Variants in AP4S1 observed in about 807,000 individuals in gnomAD.
AP4S1 encodes adaptor related protein complex 4 subunit sigma 1, also known as AP-4 complex subunit sigma-1.
In AP4S1, 23 loss-of-function variants were observed where a neutral mutation model predicts 19.8. That is an observed-to-expected ratio of 1.16 (90% CI 0.84 to 1.65). AP4S1 has a LOEUF of 1.65. Ranked by LOEUF, AP4S1 falls within the 40% of genes most tolerant of loss-of-function variation. The pLI is 0.00. For missense variants in AP4S1, 166 were observed against 172.8 expected, an observed-to-expected ratio of 0.96 and a Z score of 0.22; for synonymous variants, 46 against 54.1, an observed-to-expected ratio of 0.85 and a Z score of 0.66.
At chr14:31,025,429 G>A (rs1300732625), upstream of AP4S1, 2 of 165,142 alleles carry the variant, frequency 1.2e-5, no homozygotes, top group Admixed American at 1.2e-4. Flanking sequence ...TCTGAGGGAG[G>A]GGGCCAGATA....
At chr14:31,073,031 GTC>G in intron 4 of AP4S1, 58 bp downstream of exon 4, 1 of 1,398,806 alleles carries the variant, frequency 7.1e-7, no homozygotes, top group Non-Finnish European at 1.0e-6. Flanking sequence ...CAGAAATTGA[GTC>G]TCTTTGGATC....
intron 5 of AP4S1, among the ~76,000 whole-genome samples, chr14:31,090,130 A>G (rs1209791727): frequency 6.6e-6 from 1 of 152,030 alleles, no homozygotes; most frequent in Non-Finnish European, 1.5e-5. Context: ...CTGGGATTAC[A>G]GGCGTGTGCC....
chr14:31,027,733 A>G (rs906028004), intron 1 of AP4S1, among the ~76,000 whole-genome samples: 1 of 152,224 alleles, frequency 6.6e-6, no homozygotes, highest in Non-Finnish European at 1.5e-5. Flanking sequence ...TAAGTACAAT[A>G]GTGGGTACTT....
At chr14:31,087,754 C>T (rs76094753) in intron 5 of AP4S1, among the ~76,000 whole-genome samples, 1,659 of 152,110 alleles carry the variant, frequency 0.011, 32 homozygotes, top group African/African-American at 0.038. Context: ...TTGGTGTTGT[C>T]GAAGCTTTTT....
intron 1 of AP4S1, among the ~76,000 whole-genome samples, chr14:31,041,093 A>G (rs78774662): frequency 6.7e-6 from 1 of 149,170 alleles, no homozygotes; most frequent in Admixed American, 6.7e-5. Flanking sequence ...AAAAAAAAGT[A>G]CGCAAATTAA....
chr14:31,078,717 G>C (rs1028246873), intron 4 of AP4S1, among the ~76,000 whole-genome samples: 1 of 152,114 alleles, frequency 6.6e-6, no homozygotes, highest in African/African-American at 2.4e-5. Context: ...ATTTTAGGGA[G>C]AGTCAGTGAC....
In AP4S1 at chr14:31,086,890, GCT is replaced by G. The variant is rs369726162; in HGVS notation, c.307-6014_307-6013del. On this transcript the variant is annotated intron_variant, in intron 5 of 5. Coordinates refer to ENST00000542754, the MANE Select transcript of AP4S1 (RefSeq NM_001128126.3). ...AAAATTTTTTTACAGTCAGGGTCTTGCTCTGTTGCCCAGGCTTGAGTGCAGTG... is the reference window on the plus strand; with the variant it reads ...AAAATTTTTTTACAGTCAGGGTCTTGCTGTTGCCCAGGCTTGAGTGCAGTG... Among the ~76,000 whole-genome samples, 151 of 151,748 alleles carry G rather than the reference GCT, an allele frequency of 1.0e-3. 1 individual carries two copies. The highest frequency in any genetic ancestry group is 3.4e-3 in the African/African-American group (142 of 41,400).
At chr14:31,056,313 T>G (rs1297029056) in intron 1 of AP4S1, among the ~76,000 whole-genome samples, 1 of 152,088 alleles carries the variant, frequency 6.6e-6, no homozygotes, top group Non-Finnish European at 1.5e-5. Flanking sequence ...TAGCTAATAC[T>G]ATGGATGCAT....
chr14:31,062,940 C>G (rs911354702), intron 1 of AP4S1, among the ~76,000 whole-genome samples: 1 of 150,982 alleles, frequency 6.6e-6, no homozygotes, highest in Admixed American at 6.6e-5. Flanking sequence ...GCATTCCAGC[C>G]TGGGGGACAG....
At chr14:31,039,145 G>A (rs1465103192) in intron 1 of AP4S1, among the ~76,000 whole-genome samples, 1 of 152,018 alleles carries the variant, frequency 6.6e-6, no homozygotes, top group African/African-American at 2.4e-5. Context: ...TGGGATTACA[G>A]ATAAGAGCCA....
At chr14:31,083,418 C>A in intron 5 of AP4S1, 1 of 448,672 alleles carries the variant, frequency 2.2e-6, no homozygotes, top group Admixed American at 2.4e-5. Flanking sequence ...CAGGTTTGAT[C>A]TCACTTGTAC....
chr14:31,066,401 G>C, intron 2 of AP4S1, 67 bp downstream of exon 2: 1 of 1,587,686 alleles, frequency 6.3e-7, no homozygotes, highest in Non-Finnish European at 8.6e-7. Flanking sequence ...TTATTAGTGA[G>C]TCTCAGGGGC....
At chr14:31,039,639 C>T (rs980062023) in intron 1 of AP4S1, among the ~76,000 whole-genome samples, 2 of 146,184 alleles carry the variant, frequency 1.4e-5, no homozygotes, top group African/African-American at 2.6e-5. Context: ...GTGGCGCGAT[C>T]TCGACTCACT....
chr14:31,071,698 G>A (rs747600224), intron 3 of AP4S1, among the ~76,000 whole-genome samples: 21 of 149,402 alleles, frequency 1.4e-4, no homozygotes, highest in Non-Finnish European at 1.9e-4. Flanking sequence ...GATTACAGGC[G>A]TGAGCCACCG....
intron 3 of AP4S1, among the ~76,000 whole-genome samples, chr14:31,071,639 C>T (rs145866487): frequency 1.4e-4 from 22 of 152,136 alleles, no homozygotes; most frequent in African/African-American, 5.1e-4. Flanking sequence ...AGGATGGTCT[C>T]GATCTCCTGA....
rs1888131507 is a variant in AP4S1 at position 31,093,577 on chromosome 14, G to C, written c.*542G>C. ...GCGATTCTCCTGCCTCAGCCTCCGA[G>C]CTGGGACTACAGGCATGCACCACCA... On this transcript the variant is annotated 3_prime_UTR_variant, in exon 6 of 6. Transcript: ENST00000542754. 6.6e-6 allele frequency: 1 copy of C among 152,376 alleles called. No homozygotes were observed. Among genetic ancestry groups the C allele is most frequent in the South Asian group, 2.1e-4 (1 of 4,806 alleles). The allele number at this position is 152,376 out of a possible 1,614,324, so 9.4% of individuals were successfully genotyped here. A position where few individuals can be genotyped will look rare whatever the true frequency, so the allele number is the denominator to read the frequency against.
intron 1 of AP4S1, among the ~76,000 whole-genome samples, chr14:31,050,817 G>A (rs755031346): frequency 2.6e-5 from 4 of 152,096 alleles, no homozygotes; most frequent in Non-Finnish European, 4.4e-5. Context: ...TCCCCTCCAC[G>A]ATACCATGTT....
In AP4S1 at chr14:31,025,877, T is replaced by A. The variant is rs772195310; in HGVS notation, c.-72+90T>A. On this transcript the variant is annotated intron_variant, in intron 1 of 5. Coordinates refer to ENST00000542754, the MANE Select transcript of AP4S1 (RefSeq NM_001128126.3). ...CGGCCGGGAACCCAGCCGCCGCAGC[T>A]CCCGCACACCGACCCCAACGAGGTA... 4 of 1,587,914 alleles carry A rather than the reference T, an allele frequency of 2.5e-6. No homozygotes were observed. In the South Asian group the frequency reaches 4.5e-5, roughly 18 times the overall value.
In AP4S1 at chr14:31,068,163, C is replaced by T. The variant is rs138181920; in HGVS notation, c.139-1680C>T. ...GATTACAGGCATGAGCCACCACGCCCGGCCCCTTGAACAAAATTTTTATGA... is the reference window on the plus strand; with the variant it reads ...GATTACAGGCATGAGCCACCACGCCTGGCCCCTTGAACAAAATTTTTATGA... On this transcript the variant is annotated intron_variant, in intron 2 of 5. Coordinates refer to ENST00000542754, the MANE Select transcript of AP4S1 (RefSeq NM_001128126.3). 7.8e-3 allele frequency among the ~76,000 whole-genome samples: 1,194 copies of T among 152,314 alleles called. 10 individuals are homozygous for T. The highest frequency in any genetic ancestry group is 9.9e-3 in the Non-Finnish European group (676 of 68,032).
Sources: allele counts gnomAD v4.1 joint callset (sites outside exome capture counted in the v4.1 genomes callset), GRCh38; gene constraint gnomAD v4.1.1; transcripts MANE v1.5; gene names NCBI Gene and HGNC (gene_info 2026-07-23, HGNC 2026-07-21).